The following PTPRN2 variants were observed in gnomAD, a reference collection of about 807,000 sequenced individuals.
PTPRN2 encodes receptor-type tyrosine-protein phosphatase N2.
Under a neutral mutation model 118.8 loss-of-function variants are expected in PTPRN2, and 74 were observed. That is an observed-to-expected ratio of 0.62 (90% CI 0.52 to 0.76). PTPRN2 has a LOEUF of 0.76. PTPRN2 is among the 30% of genes least tolerant of loss of function. The pLI is 0.00. For missense variants in PTPRN2, 1,481 were observed against 1,394.4 expected (o/e 1.06, Z -0.99); for synonymous variants, 641 against 608.0 (o/e 1.05, Z -0.80).
chr7:157,629,296 C>G lies in PTPRN2; in HGVS notation c.2197-7787G>C, dbSNP rs771068982. Among the ~76,000 whole-genome samples, 18 of 152,246 alleles carry G rather than the reference C, an allele frequency of 1.2e-4. No homozygotes were observed. The highest frequency in any genetic ancestry group is 2.4e-4 in the Non-Finnish European group (16 of 68,028). ...GAAGAAAGGCTGGAGCAGGTCAGTG[C>G]TATTTCAGCTCCATTCAGAGTCACA... On this transcript the variant is annotated intron_variant, in intron 14 of 22. Transcript: ENST00000389418. The surrounding 1 kb of genome is among the most constrained non-coding windows in gnomAD (Gnocchi z 4.4).
intron 14 of PTPRN2, among the ~76,000 whole-genome samples, chr7:157,641,739 A>G (rs1309831544): frequency 6.6e-6 from 1 of 152,210 alleles, no homozygotes; most frequent in Non-Finnish European, 1.5e-5. Context: ...TCCCTGGCTC[A>G]TGCATCCTAA....
intron 13 of PTPRN2, among the ~76,000 whole-genome samples, chr7:157,663,164 C>T (rs997361086): frequency 1.2e-4 from 19 of 152,078 alleles, no homozygotes; most frequent in South Asian, 4.1e-4. Context: ...AGAAGTTCCC[C>T]GGGCATCGGC....
chr7:158,065,804 G>A (rs1317747368), intron 11 of PTPRN2, among the ~76,000 whole-genome samples: 2 of 152,220 alleles, frequency 1.3e-5, no homozygotes, highest in African/African-American at 2.4e-5. Flanking sequence ...ATTAAAAGAG[G>A]AGAAATTGCG....
At chr7:158,048,440 T>C (rs948735281) in intron 11 of PTPRN2, among the ~76,000 whole-genome samples, 2 of 152,166 alleles carry the variant, frequency 1.3e-5, no homozygotes, top group African/African-American at 4.8e-5. Context: ...ACTTGAATGA[T>C]GTATTTTAAG....
intron 12 of PTPRN2, among the ~76,000 whole-genome samples, chr7:157,759,692 G>C (rs1278273388): frequency 6.6e-6 from 1 of 152,238 alleles, no homozygotes. Flanking sequence ...AGATCTGCAA[G>C]TTCTGGACTC....
intron 15 of PTPRN2, among the ~76,000 whole-genome samples, chr7:157,605,229 G>A (rs1801930636): frequency 6.6e-6 from 1 of 152,258 alleles, no homozygotes; most frequent in Non-Finnish European, 1.5e-5. Flanking sequence ...GGGTGCTGCA[G>A]CAGGGTGGGC....
Position 157,609,474 on chromosome 7 carries a change from C to T in PTPRN2, c.2345-5399G>A, listed in dbSNP as rs888952483. 4.6e-5 allele frequency among the ~76,000 whole-genome samples: 7 copies of T among 152,176 alleles called. No individual in the cohort carries two copies. The highest frequency in any genetic ancestry group is 8.8e-5 in the Non-Finnish European group (6 of 68,030). Reference sequence around the variant, plus strand: ...CACGGATTAGATCCTCTTCTCTCATCCTGGACCCAGTGGCCATCCTGGACC... The same window carrying T: ...CACGGATTAGATCCTCTTCTCTCATTCTGGACCCAGTGGCCATCCTGGACC... On this transcript the variant is annotated intron_variant, in intron 15 of 22. Transcript: ENST00000389418. The surrounding 1 kb of genome is among the most constrained non-coding windows in gnomAD (Gnocchi z 4.9).
At chr7:158,031,744 G>C (rs1306562137) in intron 11 of PTPRN2, among the ~76,000 whole-genome samples, 1 of 152,188 alleles carries the variant, frequency 6.6e-6, no homozygotes, top group Non-Finnish European at 1.5e-5. Context: ...AAAGAAGAAA[G>C]GTTAAGAGCT....
chr7:158,229,257 A>G lies in PTPRN2; in HGVS notation c.278-23984T>C, dbSNP rs779383239. Among the ~76,000 whole-genome samples, 27 of 152,106 alleles carry G rather than the reference A, an allele frequency of 1.8e-4. 1 individual carries two copies. Among genetic ancestry groups the G allele is most frequent in the Non-Finnish European group, 3.1e-4 (21 of 68,008 alleles). ...CACAGGTAAATTATGTGACTCTCTA[A>G]GCAAATGTATCCAATAAAAACTAAA... On this transcript the variant is annotated intron_variant, in intron 3 of 22. Coordinates refer to ENST00000389418, the MANE Select transcript of PTPRN2 (RefSeq NM_002847.5).
intron 2 of PTPRN2, among the ~76,000 whole-genome samples, chr7:158,338,074 C>CAT (rs1395559838): frequency 1.1e-4 from 1 of 9,022 alleles, no homozygotes; most frequent in Admixed American, 1.1e-3. Context: ...AGACGTCACA[C>CAT]CCACACTCTC....
At chr7:158,128,647 C>T (rs1215617479) in intron 9 of PTPRN2, among the ~76,000 whole-genome samples, 1 of 152,122 alleles carries the variant, frequency 6.6e-6, no homozygotes. Context: ...CAGGGTGAGC[C>T]CATTAGCAGC....
At chr7:158,480,456 G>T (rs1820574964) in intron 2 of PTPRN2, among the ~76,000 whole-genome samples, 1 of 152,090 alleles carries the variant, frequency 6.6e-6, no homozygotes. Flanking sequence ...TTGAAATTAG[G>T]CTAATTAGCA....
intron 16 of PTPRN2, among the ~76,000 whole-genome samples, chr7:157,599,072 C>G (rs1420249673): frequency 6.6e-6 from 1 of 150,884 alleles, no homozygotes; most frequent in East Asian, 1.9e-4. Context: ...TGCAGTGGTG[C>G]AATCTTGGCT....
chr7:158,193,508 T>G, intron 4 of PTPRN2, among the ~76,000 whole-genome samples: 1 of 152,078 alleles, frequency 6.6e-6, no homozygotes, highest in Admixed American at 6.5e-5. Flanking sequence ...TGGGGAGCCC[T>G]GGTGGAGGCC....
intron 1 of PTPRN2, among the ~76,000 whole-genome samples, chr7:158,554,257 T>G (rs1385789299): frequency 6.6e-6 from 1 of 152,078 alleles, no homozygotes; most frequent in Admixed American, 6.5e-5. Flanking sequence ...AGAGTGAGAC[T>G]CCGTCTCAAA....
rs1346801888 is a variant in PTPRN2 at position 158,544,397 on chromosome 7, A to C, written c.112+43161T>G. 3.9e-5 allele frequency among the ~76,000 whole-genome samples: 6 copies of C among 152,068 alleles called. No homozygotes were observed. Among genetic ancestry groups the C allele is most frequent in the African/African-American group, 7.2e-5 (3 of 41,406 alleles). On this transcript the variant is annotated intron_variant, in intron 1 of 22. Coordinates refer to ENST00000389418, the MANE Select transcript of PTPRN2 (RefSeq NM_002847.5). The surrounding 1 kb of genome is among the most constrained non-coding windows in gnomAD (Gnocchi z 4.2). ...ATGCCTGTAATCCCAGCACTTTGGG[A>C]GGCCAAGGCGGATGGATCACTTGAG...
intron 11 of PTPRN2, among the ~76,000 whole-genome samples, chr7:157,941,977 G>C (rs575984791): frequency 8.7e-5 from 13 of 148,662 alleles, no homozygotes; most frequent in Non-Finnish European, 1.9e-4. Flanking sequence ...CACACACGGG[G>C]GTCCCCAGCA....
In PTPRN2 at chr7:157,764,119, G is replaced by A. The variant is rs575620220; in HGVS notation, c.1789-81182C>T. 7.6e-4 allele frequency among the ~76,000 whole-genome samples: 116 copies of A among 152,112 alleles called. No individual in the cohort carries two copies. Among genetic ancestry groups the A allele is most frequent in the African/African-American group, 2.7e-3 (111 of 41,410 alleles). On this transcript the variant is annotated intron_variant, in intron 12 of 22. Transcript: ENST00000389418. This position sits in a 1 kb window ranked among gnomAD's most constrained non-coding sequence, Gnocchi z 4.5. ...GTGCTGGCGAGAATGCTGAGGAATCGTAACTGGCACACTCTGCAGGGAGGA... is the reference window on the plus strand; with the variant it reads ...GTGCTGGCGAGAATGCTGAGGAATCATAACTGGCACACTCTGCAGGGAGGA...
At chr7:158,316,701 C>T (rs1802352608) in intron 3 of PTPRN2, 118 bp downstream of exon 3, 5 of 734,584 alleles carry the variant, frequency 6.8e-6, no homozygotes, top group African/African-American at 1.8e-5. Context: ...CCTGCCCCTT[C>T]CACCACCACA....
Sources: gnomAD v4.1 joint callset for allele counts (sites outside exome capture counted in the v4.1 genomes callset) on GRCh38, gnomAD v4.1.1 for gene constraint, Gnocchi (gnomAD v3.1) non-coding constraint, MANE v1.5 for transcripts, NCBI Gene and HGNC (gene_info 2026-07-23, HGNC 2026-07-21) for gene names.